Variants in FHIT observed in about 807,000 individuals in gnomAD.
The protein encoded by FHIT is fragile histidine triad diadenosine triphosphatase, also known as bis(5'-adenosyl)-triphosphatase.
A neutral mutation model predicts 17.9 loss-of-function variants in FHIT; 19 were observed. The observed-to-expected ratio is 1.06, with a 90% CI of 0.74 to 1.56. The LOEUF (loss-of-function observed/expected upper bound fraction) is 1.56, where lower values mean the gene tolerates loss of function less well. Ranked by LOEUF, FHIT falls within the 40% of genes most tolerant of loss-of-function variation. FHIT has a pLI of 0.00. For missense variants in FHIT, 248 were observed against 189.2 expected, an observed-to-expected ratio of 1.31 and a Z score of -1.82; for synonymous variants, 81 against 69.7, an observed-to-expected ratio of 1.16 and a Z score of -0.81.
chr3:60,988,902 T>G (rs2029897051), intron 3 of FHIT, among the ~76,000 whole-genome samples: 1 of 110,106 alleles, frequency 9.1e-6, no homozygotes, highest in Non-Finnish European at 1.8e-5. Flanking sequence ...AAACGATACT[T>G]GTTAAAAGGC....
At chr3:59,817,346 AGCCATCTGGGAT>A (rs1277417936) in intron 8 of FHIT, among the ~76,000 whole-genome samples, 2 of 152,064 alleles carry the variant, frequency 1.3e-5, no homozygotes, top group African/African-American at 4.8e-5. Context: ...TTGGAACAAG[AGCCATCTGGGAT>A]GTAAGACTAT....
intron 3 of FHIT, among the ~76,000 whole-genome samples, chr3:60,937,163 G>A (rs1245114555): frequency 1.1e-4 from 16 of 152,164 alleles, no homozygotes; most frequent in Admixed American, 1.0e-3. Flanking sequence ...CTCATCTGCT[G>A]AAAAGGGAAA....
intron 5 of FHIT, among the ~76,000 whole-genome samples, chr3:60,342,548 TTCTTC>T (rs1218737358): frequency 2.6e-5 from 4 of 152,246 alleles, no homozygotes; most frequent in African/African-American, 9.6e-5. Context: ...AGATTGAATA[TTCTTC>T]TCTTCTGATC....
chr3:61,044,815 G>A (rs1195853387), intron 2 of FHIT, among the ~76,000 whole-genome samples: 1 of 152,208 alleles, frequency 6.6e-6, no homozygotes, highest in South Asian at 2.1e-4. Flanking sequence ...AGAAGAGAGT[G>A]GAGGCCAATA....
rs1264354086 is a variant in FHIT at position 59,907,814 on chromosome 3, C to T, written c.348+14532G>A. Among the ~76,000 whole-genome samples the T allele has an allele frequency of 2.0e-5, 3 of 152,194 alleles. No homozygotes were observed. In the East Asian group the frequency reaches 5.8e-4, roughly 29 times the overall value. On this transcript the variant is annotated intron_variant, in intron 8 of 9. Coordinates refer to ENST00000492590, the MANE Select transcript of FHIT (RefSeq NM_002012.4). Reference sequence around the variant, plus strand: ...AAAATGGGTGTAATGGGTTAAAATTCAGGTGTTGGCCAGTCTGCATTCCTT... The same window carrying T: ...AAAATGGGTGTAATGGGTTAAAATTTAGGTGTTGGCCAGTCTGCATTCCTT...
At chr3:60,781,046 CTT>C (rs1221292205) in intron 4 of FHIT, among the ~76,000 whole-genome samples, 4 of 152,192 alleles carry the variant, frequency 2.6e-5, no homozygotes, top group Non-Finnish European at 5.9e-5. Flanking sequence ...AGGACCCTCT[CTT>C]TAGCTGAACT....
intron 3 of FHIT, among the ~76,000 whole-genome samples, chr3:60,857,035 T>C (rs1382100159): frequency 6.6e-6 from 1 of 152,254 alleles, no homozygotes; most frequent in African/African-American, 2.4e-5. Flanking sequence ...ACACTTGTGA[T>C]TGATTGACTC....
intron 4 of FHIT, among the ~76,000 whole-genome samples, chr3:60,561,937 A>G (rs1338192655): frequency 1.4e-5 from 2 of 146,420 alleles, no homozygotes; most frequent in Non-Finnish European, 3.0e-5. Flanking sequence ...AGAAAAAGAG[A>G]AAGAGAGAAA....
intron 7 of FHIT, among the ~76,000 whole-genome samples, chr3:59,976,444 C>G (rs947947638): frequency 1.3e-5 from 2 of 151,888 alleles, no homozygotes; most frequent in East Asian, 3.9e-4. Context: ...TAATTAAGTA[C>G]TTTATGAAAA....
At chr3:59,816,761 C>G (rs567650694) in intron 8 of FHIT, among the ~76,000 whole-genome samples, 1 of 152,332 alleles carries the variant, frequency 6.6e-6, no homozygotes, top group South Asian at 2.1e-4. Flanking sequence ...CTTATCCCCT[C>G]TCTTGAACCA....
chr3:60,083,304 C>A (rs1032744548), intron 5 of FHIT, among the ~76,000 whole-genome samples: 3 of 151,898 alleles, frequency 2.0e-5, no homozygotes, highest in Non-Finnish European at 4.4e-5. Context: ...TTATTCTGTT[C>A]CATTGGTCTT....
intron 3 of FHIT, among the ~76,000 whole-genome samples, chr3:60,925,563 C>T (rs147439659): frequency 0.045 from 6,821 of 152,212 alleles, 200 homozygotes; most frequent in South Asian, 0.085. Context: ...GAAGGAAGCA[C>T]TAAACATGGA....
At chr3:59,944,409 A>T (rs569039923) in intron 7 of FHIT, among the ~76,000 whole-genome samples, 1 of 152,336 alleles carries the variant, frequency 6.6e-6, no homozygotes, top group South Asian at 2.1e-4. Context: ...CATCCATTAC[A>T]AGACTGGCAA....
intron 5 of FHIT, among the ~76,000 whole-genome samples, chr3:60,141,848 T>C (rs935430034): frequency 1.3e-5 from 2 of 152,190 alleles, no homozygotes; most frequent in Non-Finnish European, 2.9e-5. Context: ...GCTAAACATA[T>C]CTGTACTGGT....
At chr3:60,092,313 G>A (rs1324623848) in intron 5 of FHIT, among the ~76,000 whole-genome samples, 1 of 152,152 alleles carries the variant, frequency 6.6e-6, no homozygotes, top group Non-Finnish European at 1.5e-5. Context: ...TACAGTCTTT[G>A]TATGACATGG....
chr3:60,447,541 C>T (rs1398653531), intron 5 of FHIT, among the ~76,000 whole-genome samples: 3 of 152,046 alleles, frequency 2.0e-5, no homozygotes, highest in African/African-American at 7.2e-5. Context: ...TGTCAGCAGG[C>T]CTCAAAGAAA....
At chr3:59,893,796 T>C (rs1703953530) in intron 8 of FHIT, among the ~76,000 whole-genome samples, 1 of 152,208 alleles carries the variant, frequency 6.6e-6, no homozygotes. Flanking sequence ...TCAGAGGAAT[T>C]CAGTGCCTAA....
intron 4 of FHIT, chr3:60,690,317 C>G: frequency 1.8e-6 from 1 of 564,662 alleles, no homozygotes; most frequent in Non-Finnish European, 3.5e-6. Flanking sequence ...ATATCCATGC[C>G]TTCTTTCACC....
chr3:60,818,321 C>T (rs1246470163), intron 4 of FHIT, among the ~76,000 whole-genome samples: 1 of 152,068 alleles, frequency 6.6e-6, no homozygotes, highest in Non-Finnish European at 1.5e-5. Flanking sequence ...GTATGATATG[C>T]AAGTATTGAT....
Sources: gnomAD v4.1 joint callset for allele counts (sites outside exome capture counted in the v4.1 genomes callset) on GRCh38, gnomAD v4.1.1 for gene constraint, MANE v1.5 for transcripts, NCBI Gene and HGNC (gene_info 2026-07-23, HGNC 2026-07-21) for gene names.